SCARB2: variants seen among roughly 807,000 people sequenced by gnomAD.
SCARB2 encodes the protein lysosome membrane protein 2.
Under a neutral mutation model 58.6 loss-of-function variants are expected in SCARB2, and 29 were observed. The ratio of observed to expected loss-of-function variants is 0.49; its 90% CI spans 0.37 to 0.67. The LOEUF (loss-of-function observed/expected upper bound fraction) is 0.67. Among genes scored for constraint, SCARB2 ranks in the 30% least tolerant of loss-of-function variants. The pLI is 0.00. For missense variants in SCARB2, 488 were observed against 578.5 expected (o/e 0.84, Z 1.60); for synonymous variants, 195 against 210.1 (o/e 0.93, Z 0.62).
At chr4:76,190,194 A>G (rs1732575295) in intron 2 of SCARB2, among the ~76,000 whole-genome samples, 1 of 151,724 alleles carries the variant, frequency 6.6e-6, no homozygotes. Context: ...ATTTTTGTTA[A>G]AGACGGAGTT....
At chr4:76,199,945 C>T (rs1732796044) in intron 1 of SCARB2, among the ~76,000 whole-genome samples, 1 of 152,212 alleles carries the variant, frequency 6.6e-6, no homozygotes, top group Non-Finnish European at 1.5e-5. Flanking sequence ...AATTTCTGCC[C>T]CTTCTATTTC....
At chr4:76,173,151 T>C (rs1184639936) in intron 7 of SCARB2, 1 of 152,212 alleles carries the variant, frequency 6.6e-6, no homozygotes, top group African/African-American at 2.4e-5. Context: ...AATAGTTTTG[T>C]CAGTTGTGCC....
In SCARB2 at chr4:76,177,339, T is replaced by TAA. The variant is rs1208141818; in HGVS notation, c.613-813_613-812dup. Reference sequence around the variant, plus strand: ...ACTTCACACCCACTAGGAGGGCAATTAAAAAAAAAAAAAAGAAAAATAGTA... The same window carrying TAA: ...ACTTCACACCCACTAGGAGGGCAATTAAAAAAAAAAAAAAAAGAAAAATAGTA... On this transcript the variant is annotated intron_variant, in intron 4 of 11. Coordinates refer to ENST00000264896, the MANE Select transcript of SCARB2 (RefSeq NM_005506.4). Among the ~76,000 whole-genome samples, 1,193 of 137,182 alleles carry TAA rather than the reference T, an allele frequency of 8.7e-3. 14 individuals carry two copies. Among genetic ancestry groups the TAA allele is most frequent in the African/African-American group, 0.03 (1,108 of 37,452 alleles). 90.0% of individuals were successfully genotyped at this position (137,182 alleles called of 152,430 possible). A position where few individuals can be genotyped will look rare whatever the true frequency, so the allele number is the denominator to read the frequency against.
chr4:76,196,588 AG>A (rs1483451825), intron 1 of SCARB2, among the ~76,000 whole-genome samples: 1 of 152,184 alleles, frequency 6.6e-6, no homozygotes, highest in African/African-American at 2.4e-5. Context: ...GAGAATAACA[AG>A]GGGAAGGGCC....
chr4:76,180,320 T>A (rs1402623652), intron 3 of SCARB2: 1 of 152,462 alleles, frequency 6.6e-6, no homozygotes, highest in Non-Finnish European at 1.5e-5. Context: ...AGCCACTGAC[T>A]GCACTCCAGC....
intron 11 of SCARB2, 196 bp from the exon 12 acceptor site, chr4:76,161,947 C>T: frequency 1.6e-6 from 1 of 642,458 alleles, no homozygotes; most frequent in Non-Finnish European, 2.8e-6. Context: ...AGGAGGCCTT[C>T]TCTGACCACT....
intron 1 of SCARB2, among the ~76,000 whole-genome samples, chr4:76,232,398 G>A (rs376338635): frequency 6.6e-6 from 1 of 152,008 alleles, no homozygotes; most frequent in African/African-American, 2.4e-5. Flanking sequence ...ACAGTTCTAC[G>A]GCTTATTCTA....
intron 1 of SCARB2, among the ~76,000 whole-genome samples, chr4:76,227,600 T>A (rs942775949): frequency 1.3e-5 from 2 of 152,224 alleles, no homozygotes; most frequent in African/African-American, 2.4e-5. Context: ...GTCTTGATGA[T>A]CTGTCTAATG....
At chr4:76,170,538 GTTTT>G (rs1167271268) in intron 7 of SCARB2, among the ~76,000 whole-genome samples, 55 of 151,458 alleles carry the variant, frequency 3.6e-4, no homozygotes, top group African/African-American at 1.2e-3. Flanking sequence ...ATTTTTGGTG[GTTTT>G]TTGTTTTGTT....
At chr4:76,230,747 C>G (rs1437261399) in intron 1 of SCARB2, among the ~76,000 whole-genome samples, 1 of 152,154 alleles carries the variant, frequency 6.6e-6, no homozygotes, top group Non-Finnish European at 1.5e-5. Flanking sequence ...ATGACTTACA[C>G]TCATGAAGCA....
intron 4 of SCARB2, 159 bp downstream of exon 4, chr4:76,179,358 G>GT (rs1159893038): frequency 3.1e-5 from 20 of 648,424 alleles, no homozygotes; most frequent in Non-Finnish European, 4.0e-5. Flanking sequence ...CCGGCCTCAA[G>GT]TTTTTTTTCT....
chr4:76,179,556 G>T lies in SCARB2; in HGVS notation c.573C>A (p.Phe191Leu). 6.2e-7 allele frequency: 1 copy of T among 1,614,200 alleles called. No homozygotes were observed. Among genetic ancestry groups the T allele is most frequent in the Non-Finnish European group, 8.5e-7 (1 of 1,180,010 alleles). Reference sequence around the variant, plus strand: ...CAAAATAGGGAGAGATATCGGGCCTGAAAACATGGATAAGGGACAAGATTT... The same window carrying T: ...CAAAATAGGGAGAGATATCGGGCCTTAAAACATGGATAAGGGACAAGATTT... ...KDEILSLIHV[F>L]RPDISPYFGL... The change falls in exon 4 of 12, where the codon TTC becomes TTA. Residue 191 changes from phenylalanine (F) to leucine (L), a missense_variant. Phe to Leu is a conservative substitution (Grantham distance 22). Coordinates refer to ENST00000264896, the MANE Select transcript of SCARB2 (RefSeq NM_005506.4).
At position 76,174,224 on chromosome 4, in the gene SCARB2, G is replaced by A. The variant is rs148588727; in HGVS notation, c.914C>T (p.Thr305Met). ...YKVPAEILAN[T>M]SDNAGFCIPE... Reference sequence around the variant, plus strand: ...TATACAGAAGCCGGCATTGTCTGACGTATTGGCTAATATTTCTGCAGGAAC... The same window carrying A: ...TATACAGAAGCCGGCATTGTCTGACATATTGGCTAATATTTCTGCAGGAAC... Residue 305 changes from threonine to methionine, a missense_variant, in exon 7 of 12, where the codon ACG (threonine) becomes ATG (methionine). Physicochemically the swap from Thr to Met is moderately conservative, Grantham distance 81. Transcript: ENST00000264896. The A allele has an allele frequency of 2.8e-5, 45 of 1,614,148 alleles. No individual in the cohort carries two copies. The East Asian group carries it at 7.1e-4, about 26-fold the overall frequency.
upstream of SCARB2, among the ~76,000 whole-genome samples, chr4:76,214,810 C>A (rs1005522160): frequency 6.6e-6 from 1 of 152,214 alleles, no homozygotes; most frequent in African/African-American, 2.4e-5. Flanking sequence ...TTGTCCCAGT[C>A]CTCCAGAAAC....
chr4:76,204,890 C>G, intron 1 of SCARB2, among the ~76,000 whole-genome samples: 1 of 152,060 alleles, frequency 6.6e-6, no homozygotes, highest in East Asian at 1.9e-4. Flanking sequence ...ATCAGAAGTA[C>G]AGTGTTAAAA....
chr4:76,197,154 C>A (rs1262034496), intron 1 of SCARB2, among the ~76,000 whole-genome samples: 1 of 152,214 alleles, frequency 6.6e-6, no homozygotes, highest in African/African-American at 2.4e-5. Flanking sequence ...AGACAAATTT[C>A]TGTTGCTTAA....
Position 76,165,151 on chromosome 4 carries a change from T to TCTA in SCARB2, c.1239+1098_1239+1099insTAG, listed in dbSNP as rs142331713. The TCTA allele has an allele frequency of 3.2e-3, 481 of 152,304 alleles. 4 individuals are homozygous for TCTA. Among genetic ancestry groups the TCTA allele is most frequent in the African/African-American group, 0.011 (455 of 41,556 alleles). 9.4% of individuals were successfully genotyped at this position (152,304 alleles called of 1,614,324 possible). On this transcript the variant is annotated intron_variant, in intron 10 of 11. Transcript: ENST00000264896. ...GGGCCCTTCTGCATTTTCAAAAAGA[T>TCTA]CTTTCATGCCCCTGCCCACAAACAG...
rs148780369 is a variant in SCARB2 at position 76,174,185 on chromosome 4, C to A, written c.953G>T (p.Cys318Phe). Residue 318 changes from cysteine to phenylalanine, a missense_variant, in exon 7 of 12, where the codon TGC becomes TTC. Coordinates refer to ENST00000264896, the MANE Select transcript of SCARB2 (RefSeq NM_005506.4). ...GACATTCAGAACTCCTGAGCCCAGGCAGTTTCCCTCAGGTATACAGAAGCC... is the reference window on the plus strand; with the variant it reads ...GACATTCAGAACTCCTGAGCCCAGGAAGTTTCCCTCAGGTATACAGAAGCC... Reference protein sequence around the residue: ...NAGFCIPEGNCLGSGVLNVSI... With the variant: ...NAGFCIPEGNFLGSGVLNVSI... 39 of 1,614,042 alleles carry A rather than the reference C, an allele frequency of 2.4e-5. No homozygotes were observed. Among genetic ancestry groups the A allele is most frequent in the Non-Finnish European group, 3.1e-5 (36 of 1,180,040 alleles).
intron 1 of SCARB2, among the ~76,000 whole-genome samples, chr4:76,203,418 C>G (rs951700117): frequency 2.0e-5 from 3 of 152,228 alleles, no homozygotes; most frequent in Non-Finnish European, 4.4e-5. Flanking sequence ...TTCAGCATAT[C>G]CATCCCAATA....
Sources: allele counts gnomAD v4.1 joint callset (sites outside exome capture counted in the v4.1 genomes callset), GRCh38; gene constraint gnomAD v4.1.1; transcripts MANE v1.5; gene names NCBI Gene and HGNC (gene_info 2026-07-23, HGNC 2026-07-21).